The following TCF7L2 variants were observed in gnomAD, a reference collection of about 807,000 sequenced individuals.
The protein encoded by TCF7L2 is transcription factor 7 like 2.
Under a neutral mutation model 77.9 loss-of-function variants are expected in TCF7L2, and 23 were observed. That is an observed-to-expected ratio of 0.30 (90% CI 0.21 to 0.42). The LOEUF (loss-of-function observed/expected upper bound fraction) is 0.42, where lower values mean the gene tolerates loss of function less well. Among genes scored for constraint, TCF7L2 ranks in the 10% least tolerant of loss-of-function variants. The pLI is 1.00. For missense variants in TCF7L2, 654 were observed against 793.1 expected, an observed-to-expected ratio of 0.82 and a Z score of 2.11; for synonymous variants, 413 against 340.2, an observed-to-expected ratio of 1.21 and a Z score of -2.36.
At chr10:113,142,624 A>G (rs992962791) in intron 6 of TCF7L2, among the ~76,000 whole-genome samples, 1 of 152,176 alleles carries the variant, frequency 6.6e-6, no homozygotes, top group Non-Finnish European at 1.5e-5. Context: ...GAACGAAGCC[A>G]CACATGAGCT....
chr10:112,961,254 A>ACCGCCCCCCCCCCC (rs1349844083), intron 3 of TCF7L2, among the ~76,000 whole-genome samples: 3 of 60,500 alleles, frequency 5.0e-5, no homozygotes, highest in African/African-American at 4.5e-4. Flanking sequence ...ACCTCAGGTG[A>ACCGCCCCCCCCCCC]CCCCCCCCCC....
At chr10:113,071,853 C>T (rs2058059779) in intron 5 of TCF7L2, among the ~76,000 whole-genome samples, 2 of 152,178 alleles carry the variant, frequency 1.3e-5, no homozygotes, top group Admixed American at 6.5e-5. Context: ...CTCCCCCCCA[C>T]CCCCCATGAG....
intron 5 of TCF7L2, among the ~76,000 whole-genome samples, chr10:113,115,449 A>C (rs1444212502): frequency 6.6e-6 from 1 of 152,204 alleles, no homozygotes; most frequent in Non-Finnish European, 1.5e-5. Context: ...AAAGATGATC[A>C]AATCTTGTAT....
chr10:113,031,769 A>G (rs573806189), intron 4 of TCF7L2, among the ~76,000 whole-genome samples: 83 of 152,272 alleles, frequency 5.5e-4, no homozygotes, highest in African/African-American at 1.9e-3. Flanking sequence ...GATTACAGGC[A>G]TGAGCCACTG....
intron 11 of TCF7L2, among the ~76,000 whole-genome samples, chr10:113,154,202 C>T (rs1014949177): frequency 1.3e-5 from 2 of 152,202 alleles, no homozygotes; most frequent in African/African-American, 2.4e-5. Context: ...TGCTCTCCCA[C>T]AGGCTTGCTG....
chr10:112,974,568 G>A (rs950028710), intron 4 of TCF7L2, among the ~76,000 whole-genome samples: 15 of 151,970 alleles, frequency 9.9e-5, no homozygotes, highest in South Asian at 4.2e-4. Flanking sequence ...TCAGCCTCCC[G>A]AGTGGCTGGG....
In TCF7L2 at chr10:113,019,219, G is replaced by A. The variant is rs114508221; in HGVS notation, c.451-20806G>A. The stretch of plus-strand genomic sequence containing the variant: ...ATGTTGGACACACCATGGTGACAGA[G>A]CAGGAGTCTCTTAACCCCGGCGTGG... On this transcript the variant is annotated intron_variant, in intron 4 of 13. Transcript: ENST00000627217. Among the ~76,000 whole-genome samples, 736 of 152,354 alleles carry A rather than the reference G, an allele frequency of 4.8e-3. 2 individuals are homozygous for A. The highest frequency in any genetic ancestry group is 0.024 in the Middle Eastern group (7 of 294).
intron 5 of TCF7L2, among the ~76,000 whole-genome samples, chr10:113,079,009 T>C (rs2059029530): frequency 6.6e-6 from 1 of 151,946 alleles, no homozygotes; most frequent in Non-Finnish European, 1.5e-5. Context: ...ATTTTTGTAT[T>C]TTTAATAGAG....
chr10:113,034,314 A>G (rs146123238), intron 4 of TCF7L2, among the ~76,000 whole-genome samples: 1 of 152,298 alleles, frequency 6.6e-6, no homozygotes, highest in African/African-American at 2.4e-5. Flanking sequence ...AAGTGTAATG[A>G]TATGAGAATC....
At chr10:112,970,295 T>C (rs541127028) in intron 4 of TCF7L2, among the ~76,000 whole-genome samples, 93 of 151,686 alleles carry the variant, frequency 6.1e-4, no homozygotes, top group African/African-American at 2.1e-3. Flanking sequence ...GCAGTGGGGG[T>C]TACTTTCCCT....
At chr10:113,007,157 G>T (rs1264037140) in intron 4 of TCF7L2, among the ~76,000 whole-genome samples, 2 of 152,236 alleles carry the variant, frequency 1.3e-5, no homozygotes, top group African/African-American at 4.8e-5. Flanking sequence ...GGGGCACGTT[G>T]TGTGAGAGAA....
intron 5 of TCF7L2, among the ~76,000 whole-genome samples, chr10:113,097,829 A>T (rs932351579): frequency 1.3e-5 from 2 of 151,266 alleles, no homozygotes; most frequent in African/African-American, 4.9e-5. Context: ...AGGCAGGCGG[A>T]TCGCCTGAGG....
chr10:113,070,266 A>ATATAT (rs953072031), intron 5 of TCF7L2, among the ~76,000 whole-genome samples: 38 of 96,438 alleles, frequency 3.9e-4, no homozygotes, highest in Admixed American at 1.2e-3. Context: ...AAAAAAAAAA[A>ATATAT]ATTTATATAT....
In TCF7L2 at chr10:113,076,006, C is replaced by T. The variant is rs1423072643; in HGVS notation, c.552+35880C>T. ...CAAAAATTAGCCAGGCGTGGTGGCACGTGCCTGTAATCCCAGCTACTGGGG... is the reference window on the plus strand; with the variant it reads ...CAAAAATTAGCCAGGCGTGGTGGCATGTGCCTGTAATCCCAGCTACTGGGG... On this transcript the variant is annotated intron_variant, in intron 5 of 13. Coordinates refer to ENST00000627217, the MANE Select transcript of TCF7L2 (RefSeq NM_001146274.2). Among the ~76,000 whole-genome samples the T allele has an allele frequency of 4.0e-5, 6 of 151,648 alleles. No homozygotes were observed. In the East Asian group the frequency reaches 5.8e-4, roughly 15 times the overall value.
intron 3 of TCF7L2, among the ~76,000 whole-genome samples, chr10:112,958,899 A>G (rs547014849): frequency 6.6e-6 from 1 of 152,310 alleles, no homozygotes; most frequent in Non-Finnish European, 1.5e-5. Context: ...TGCTAAGTGG[A>G]GTAATGATGG....
chr10:113,081,857 C>T (rs7915978), intron 5 of TCF7L2, among the ~76,000 whole-genome samples: 100,818 of 152,086 alleles, frequency 0.66, 34,451 homozygotes, highest in African/African-American at 0.82. Flanking sequence ...GATGGAGTGT[C>T]GCTCTGTTGC....
chr10:113,115,012 G>C (rs911768), intron 5 of TCF7L2, among the ~76,000 whole-genome samples: 7,877 of 152,274 alleles, frequency 0.052, 670 homozygotes, highest in East Asian at 0.23. Context: ...AAACTGTATT[G>C]GCAGCAGATA....
At chr10:113,155,503 C>T (rs924690918) in intron 11 of TCF7L2, among the ~76,000 whole-genome samples, 5 of 152,174 alleles carry the variant, frequency 3.3e-5, no homozygotes. Context: ...CAATCCCTGT[C>T]CTCCAGAAGT....
chr10:112,975,020 TC>T (rs2039122724), intron 4 of TCF7L2, among the ~76,000 whole-genome samples: 1 of 151,650 alleles, frequency 6.6e-6, no homozygotes, highest in Non-Finnish European at 1.5e-5. Flanking sequence ...AATCTTAGCA[TC>T]CACTTCAGTT....
Sources: gnomAD v4.1 joint callset for allele counts (sites outside exome capture counted in the v4.1 genomes callset) on GRCh38, gnomAD v4.1.1 for gene constraint, MANE v1.5 for transcripts, NCBI Gene and HGNC (gene_info 2026-07-23, HGNC 2026-07-21) for gene names.